The following CSMD1 variants were observed in gnomAD, a reference collection of about 807,000 sequenced individuals.
CSMD1 encodes the protein CUB and Sushi multiple domains 1.
CSMD1 carries 213 observed loss-of-function variants against 417.5 expected under a neutral mutation model. That is an observed-to-expected ratio of 0.51 (90% CI 0.46 to 0.57). The LOEUF (loss-of-function observed/expected upper bound fraction) is 0.57, where lower values mean the gene tolerates loss of function less well. Among genes scored for constraint, CSMD1 ranks in the 20% least tolerant of loss-of-function variants. The pLI is 0.00. For missense variants in CSMD1, 6,923 were observed against 4,529.7 expected (o/e 1.53, Z -15.17); for synonymous variants, 2,862 against 1,736.8 (o/e 1.65, Z -16.11).
At chr8:4,303,971 C>T (rs762769889) in intron 3 of CSMD1, among the ~76,000 whole-genome samples, 2 of 152,134 alleles carry the variant, frequency 1.3e-5, no homozygotes, top group Non-Finnish European at 2.9e-5. Context: ...CTTCCTTTTG[C>T]CTCCTCCTGC....
At position 3,583,372 on chromosome 8, in the gene CSMD1, G is replaced by A. The variant is rs530628629; in HGVS notation, c.1222+2764C>T. Among the ~76,000 whole-genome samples, 23 of 152,016 alleles carry A rather than the reference G, an allele frequency of 1.5e-4. 1 individual carries two copies. The South Asian group carries it at 4.8e-3, about 32-fold the overall frequency. ...GAGTGTCATAGAGAAGGCCTCAGGTGCCTCGAATAGACTGCTAGTAGAAAT... is the reference window on the plus strand; with the variant it reads ...GAGTGTCATAGAGAAGGCCTCAGGTACCTCGAATAGACTGCTAGTAGAAAT... On this transcript the variant is annotated intron_variant, in intron 9 of 69. Transcript: ENST00000635120.
chr8:3,567,920 G>C (rs924952142), intron 10 of CSMD1, among the ~76,000 whole-genome samples: 3 of 152,094 alleles, frequency 2.0e-5, no homozygotes, highest in Non-Finnish European at 4.4e-5. Context: ...ACACACATGT[G>C]TTGACATCCC....
intron 3 of CSMD1, among the ~76,000 whole-genome samples, chr8:4,359,116 T>C (rs892269329): frequency 3.3e-5 from 5 of 152,074 alleles, no homozygotes; most frequent in African/African-American, 1.2e-4. Flanking sequence ...AATACTAGGG[T>C]AGAAATTTAG....
chr8:3,107,813 G>T lies in CSMD1; in HGVS notation c.6755-15C>A. ...GAGCTGAAATGCTAAATGATTAATG[G>T]AAAGAATAATAATAATTGCAATTAC... is the stretch of plus-strand genomic sequence containing the variant. On this transcript the variant is annotated splice_polypyrimidine_tract_variant and intron_variant, in intron 44 of 69. Transcript: ENST00000635120. 1.3e-6 allele frequency: 2 copies of T among 1,515,130 alleles called. No homozygotes were observed. Among genetic ancestry groups the T allele is most frequent in the South Asian group, 1.2e-5 (1 of 83,450 alleles). The allele number at this position is 1,515,130 out of a possible 1,614,324, so 93.9% of individuals were successfully genotyped here.
chr8:4,037,624 A>G (rs1477642665), intron 3 of CSMD1, among the ~76,000 whole-genome samples: 1 of 112,096 alleles, frequency 8.9e-6, no homozygotes, highest in East Asian at 2.6e-4. Flanking sequence ...GGTCTCTTAT[A>G]TTTATCAGGT....
intron 1 of CSMD1, among the ~76,000 whole-genome samples, chr8:4,802,350 CGCGTGTGTGTGT>C (rs1267691529): frequency 2.9e-5 from 4 of 138,540 alleles, no homozygotes; most frequent in Non-Finnish European, 4.5e-5. Flanking sequence ...AGTGTGTGCG[CGCGTGTGTGTGT>C]GTGTGTGTGT....
intron 3 of CSMD1, among the ~76,000 whole-genome samples, chr8:4,267,691 G>A (rs921653950): frequency 6.6e-6 from 1 of 151,986 alleles, no homozygotes. Flanking sequence ...CCTCCTTAGT[G>A]TCTTACATGA....
chr8:3,571,869 C>T (rs1799957933), intron 10 of CSMD1, among the ~76,000 whole-genome samples: 1 of 151,876 alleles, frequency 6.6e-6, no homozygotes. Flanking sequence ...ACGTCTCCTT[C>T]TGGAAACCTT....
chr8:3,332,094 T>C (rs1047791922), intron 23 of CSMD1, among the ~76,000 whole-genome samples: 1 of 152,210 alleles, frequency 6.6e-6, no homozygotes, highest in Non-Finnish European at 1.5e-5. Flanking sequence ...AGACACATGA[T>C]AGATACGTAG....
intron 3 of CSMD1, among the ~76,000 whole-genome samples, chr8:4,142,348 G>C (rs1324412278): frequency 6.6e-6 from 1 of 151,096 alleles, no homozygotes; most frequent in African/African-American, 2.5e-5. Flanking sequence ...ACGAGGTTAT[G>C]ATATTTGGCT....
intron 3 of CSMD1, among the ~76,000 whole-genome samples, chr8:4,158,440 A>T (rs1006028496): frequency 6.6e-6 from 1 of 152,180 alleles, no homozygotes; most frequent in African/African-American, 2.4e-5. Context: ...AACAAAAAAA[A>T]ATCAAAGAAA....
At position 4,164,200 on chromosome 8, in the gene CSMD1, GA is replaced by G. The variant is rs200027116; in HGVS notation, c.416-132102del. 2.8e-3 allele frequency among the ~76,000 whole-genome samples: 350 copies of G among 124,524 alleles called. 1 individual carries two copies. The highest frequency in any genetic ancestry group is 7.6e-3 in the African/African-American group (256 of 33,740). The allele number at this position is 124,524 out of a possible 152,430, so 81.7% of individuals were successfully genotyped here. On this transcript the variant is annotated intron_variant, in intron 3 of 69. Coordinates refer to ENST00000635120, the MANE Select transcript of CSMD1 (RefSeq NM_033225.6). Reference sequence around the variant, plus strand: ...AGGAATTAATACAGGATTTTTGGAAGAAAAAAAAATGACAAAAATATTTGAA... The same window carrying G: ...AGGAATTAATACAGGATTTTTGGAAGAAAAAAAATGACAAAAATATTTGAA...
chr8:3,857,329 A>G (rs1365329004), intron 5 of CSMD1, among the ~76,000 whole-genome samples: 1 of 152,150 alleles, frequency 6.6e-6, no homozygotes, highest in Non-Finnish European at 1.5e-5. Context: ...GGTGAGAAAG[A>G]CCTGGCAAGT....
chr8:4,448,910 A>T (rs940697057), intron 2 of CSMD1, among the ~76,000 whole-genome samples: 1 of 152,188 alleles, frequency 6.6e-6, no homozygotes, highest in Non-Finnish European at 1.5e-5. Context: ...CACATATTTC[A>T]TCTATTAAGT....
chr8:4,506,140 G>C (rs565611723), intron 2 of CSMD1, among the ~76,000 whole-genome samples: 6 of 152,252 alleles, frequency 3.9e-5, no homozygotes, highest in African/African-American at 1.4e-4. Flanking sequence ...AGTTACTGCT[G>C]TATTAGATTG....
chr8:4,706,266 C>G (rs1448039404), intron 1 of CSMD1, among the ~76,000 whole-genome samples: 1 of 151,910 alleles, frequency 6.6e-6, no homozygotes, highest in Non-Finnish European at 1.5e-5. Context: ...CCTAAAATTT[C>G]TCTTTTAATT....
chr8:3,067,345 C>T (rs1362367858), intron 49 of CSMD1, among the ~76,000 whole-genome samples: 1 of 152,110 alleles, frequency 6.6e-6, no homozygotes, highest in Non-Finnish European at 1.5e-5. Context: ...GATGCCTCCC[C>T]GCACTCCAAG....
At chr8:4,039,220 C>G (rs1797765786) in intron 3 of CSMD1, among the ~76,000 whole-genome samples, 1 of 152,120 alleles carries the variant, frequency 6.6e-6, no homozygotes, top group Non-Finnish European at 1.5e-5. Flanking sequence ...CTCTCCATTT[C>G]TCTACACTTT....
rs544787109 is a variant in CSMD1, at chr8:4,121,413, T to G, written c.416-89314A>C. Among the ~76,000 whole-genome samples, 11 of 152,242 alleles carry G rather than the reference T, an allele frequency of 7.2e-5. 2 individuals are homozygous for G. Among genetic ancestry groups the G allele is most frequent in the African/African-American group, 2.6e-4 (11 of 41,546 alleles). ...TACAGGCATGAGTGTCAATGTATTTTTCATTACAGAATTCACACGCCCACC... is the reference window on the plus strand; with the variant it reads ...TACAGGCATGAGTGTCAATGTATTTGTCATTACAGAATTCACACGCCCACC... On this transcript the variant is annotated intron_variant, in intron 3 of 69. Transcript: ENST00000635120.
Sources: gnomAD v4.1 joint callset for allele counts (sites outside exome capture counted in the v4.1 genomes callset) on GRCh38, gnomAD v4.1.1 for gene constraint, MANE v1.5 for transcripts, NCBI Gene and HGNC (gene_info 2026-07-23, HGNC 2026-07-21) for gene names.